The following RSRP1 variants were observed in gnomAD, a reference collection of about 807,000 sequenced individuals.
RSRP1 encodes the protein arginine and serine rich protein 1.
Under a neutral mutation model 33.0 loss-of-function variants are expected in RSRP1, and 37 were observed. The observed-to-expected ratio is 1.12, with a 90% CI of 0.86 to 1.48. The LOEUF (loss-of-function observed/expected upper bound fraction) is 1.48, where lower values mean the gene tolerates loss of function less well. Ranked by LOEUF, RSRP1 falls within the 40% of genes most tolerant of loss-of-function variation. The pLI, the probability that RSRP1 is intolerant of heterozygous loss-of-function variation, is 0.00. For synonymous variants in RSRP1, 167 were observed against 158.7 expected, an observed-to-expected ratio of 1.05 and a Z score of -0.40; for missense variants, 402 against 385.3, an observed-to-expected ratio of 1.04 and a Z score of -0.36.
Position 25,287,475 on chromosome 1 carries a change from T to TCC in RSRP1, c.-66-40448_-66-40447dup, listed in dbSNP as rs1264345531. 2.7e-4 allele frequency among the ~76,000 whole-genome samples: 36 copies of TCC among 135,074 alleles called. 6 individuals are homozygous for TCC. Among genetic ancestry groups the TCC allele is most frequent in the African/African-American group, 8.4e-4 (33 of 39,190 alleles). 88.6% of individuals were successfully genotyped at this position (135,074 alleles called of 152,430 possible). A position where few individuals can be genotyped will look rare whatever the true frequency, so the allele number is the denominator to read the frequency against. ...TGAAACTGGCTCCTTCCTGACCGGT[T>TCC]CCCGTCAGGGCTGTGCTGATGGGTG... is the stretch of plus-strand genomic sequence containing the variant. On this transcript the variant is annotated intron_variant, in intron 1 of 1. Coordinates refer to the RSRP1 transcript ENST00000561867.
At chr1:25,322,555 C>A (rs1303353232) in intron 1 of RSRP1, among the ~76,000 whole-genome samples, 1 of 132,320 alleles carries the variant, frequency 7.6e-6, no homozygotes, top group Non-Finnish European at 1.8e-5. Context: ...TGCCTGTAAT[C>A]CCAGTTACTC....
chr1:25,307,638 C>G (rs1444867203), intron 1 of RSRP1: 2 of 1,143,496 alleles, frequency 1.7e-6, no homozygotes, highest in Admixed American at 2.1e-5. Context: ...GAGAAGTTAT[C>G]TGCCCAAGGT....
At chr1:25,250,738 C>T (rs1458690657), upstream of RSRP1, among the ~76,000 whole-genome samples, 3 of 152,058 alleles carry the variant, frequency 2.0e-5, no homozygotes, top group African/African-American at 4.8e-5. Flanking sequence ...GGGCCAGGCG[C>T]GGTGGCTCAC....
At chr1:25,285,902 G>A (rs1641945135) in intron 1 of RSRP1, among the ~76,000 whole-genome samples, 1 of 134,358 alleles carries the variant, frequency 7.4e-6, no homozygotes, top group African/African-American at 2.6e-5. Context: ...CTAAACCTCT[G>A]GGCACTGCTG....
intron 1 of RSRP1, among the ~76,000 whole-genome samples, chr1:25,298,349 C>T (rs1419108307): frequency 2.4e-5 from 3 of 126,912 alleles, no homozygotes; most frequent in African/African-American, 7.8e-5. Flanking sequence ...CATCATCTCT[C>T]TTCTCTGCAT....
At chr1:25,250,570 C>T (rs570151175), upstream of RSRP1, among the ~76,000 whole-genome samples, 20 of 152,248 alleles carry the variant, frequency 1.3e-4, no homozygotes, top group East Asian at 3.1e-3. Context: ...AATATGTTAC[C>T]TTAAGGTGAC....
At chr1:25,247,882 C>T (rs1639614208), upstream of RSRP1, 1 of 152,476 alleles carries the variant, frequency 6.6e-6, no homozygotes, top group African/African-American at 2.4e-5. Context: ...GGAGCTGGGG[C>T]CGTCTGACGG....
At chr1:25,304,496 G>A (rs1643640093) in intron 1 of RSRP1, 1 of 129,680 alleles carries the variant, frequency 7.7e-6, no homozygotes, top group African/African-American at 2.7e-5. Flanking sequence ...GACTCAGGAG[G>A]CTGAGACACG....
rs1315909104 is a variant in RSRP1, at chr1:25,333,249, C to T, written c.-67+4729G>A. The stretch of plus-strand genomic sequence containing the variant: ...GGAAATACCCTCACAGACACACTAA[C>T]AAATAATGCCTTTCCAGTTCTCTAG... On this transcript the variant is annotated intron_variant, in intron 1 of 1. Coordinates refer to the RSRP1 transcript ENST00000561867. 2.0e-4 allele frequency among the ~76,000 whole-genome samples: 26 copies of T among 132,082 alleles called. 4 individuals are homozygous for T. The highest frequency in any genetic ancestry group is 1.6e-3 in the Admixed American group (22 of 13,588). The allele number at this position is 132,082 out of a possible 152,430, so 86.7% of individuals were successfully genotyped here.
In RSRP1 at chr1:25,319,238, T is replaced by C. The variant is rs1210220169; in HGVS notation, c.-67+18740A>G. ...TCTTCACTGGAGTCAAAAAAGAGAA[T>C]AGAGGAAAAGACAATCATATTGTTC... is the stretch of plus-strand genomic sequence containing the variant. On this transcript the variant is annotated intron_variant, in intron 1 of 1. Coordinates refer to the RSRP1 transcript ENST00000561867. 3.0e-5 allele frequency among the ~76,000 whole-genome samples: 4 copies of C among 132,260 alleles called. 1 individual carries two copies. The highest frequency in any genetic ancestry group is 5.4e-5 in the Non-Finnish European group (3 of 55,928). 86.8% of individuals were successfully genotyped at this position (132,260 alleles called of 152,430 possible).
At position 25,321,674 on chromosome 1, in the gene RSRP1, TAAATA is replaced by T. The variant is rs56928540; in HGVS notation, c.-67+16299_-67+16303del. On this transcript the variant is annotated intron_variant, in intron 1 of 1. Coordinates refer to the RSRP1 transcript ENST00000561867. ...GATAGAGTGAGACTCTGTCTCAAAA[TAAATA>T]AAATAAAATAAAATAAAATAAAATA... 1.5e-4 allele frequency among the ~76,000 whole-genome samples: 14 copies of T among 91,300 alleles called. 1 individual carries two copies. The highest frequency in any genetic ancestry group is 3.7e-4 in the South Asian group (1 of 2,710). 59.9% of individuals were successfully genotyped at this position (91,300 alleles called of 152,430 possible).
chr1:25,301,425 C>T lies in RSRP1; in HGVS notation c.-67+36553G>A. On this transcript the variant is annotated intron_variant, in intron 1 of 1. Coordinates refer to the RSRP1 transcript ENST00000561867. ...CTAACTCTAAGTGACAAGGCTGAGA[C>T]TCTCCAGCCCTAGGATTCTCATCCA... is the stretch of plus-strand genomic sequence containing the variant. The T allele has an allele frequency of 8.8e-6, 10 of 1,131,530 alleles. 2 individuals carry two copies. The Admixed American group carries it at 1.3e-4, about 14-fold the overall frequency. The allele number at this position is 1,131,530 out of a possible 1,614,324, so 70.1% of individuals were successfully genotyped here.
chr1:25,331,576 T>A lies in RSRP1; in HGVS notation c.-67+6402A>T, dbSNP rs1156402602. On this transcript the variant is annotated intron_variant, in intron 1 of 1. Transcript: ENST00000561867. ...TGAGAAAAATGTGATTTTTTTTTTT[T>A]TTTTTTTTTGAGACAGAGTCTTGCT... is the stretch of plus-strand genomic sequence containing the variant. 5.4e-5 allele frequency among the ~76,000 whole-genome samples: 6 copies of A among 110,340 alleles called. 1 individual carries two copies. The South Asian group carries it at 1.4e-3, about 26-fold the overall frequency. The allele number at this position is 110,340 out of a possible 152,430, so 72.4% of individuals were successfully genotyped here.
At chr1:25,281,010 A>C (rs575163687) in intron 1 of RSRP1, among the ~76,000 whole-genome samples, 2,128 of 132,030 alleles carry the variant, frequency 0.016, 278 homozygotes, top group African/African-American at 0.052. Flanking sequence ...GGAATATTCC[A>C]GAGCTGTAAA....
rs1305200858 is a variant in RSRP1, at chr1:25,305,662, G to A, written c.-67+32316C>T. Reference sequence around the variant, plus strand: ...TTTGCCCAGGCTGGAGTGCAGTGGCGCCATCTCAGCTTACTGCAAGCTCCG... The same window carrying A: ...TTTGCCCAGGCTGGAGTGCAGTGGCACCATCTCAGCTTACTGCAAGCTCCG... On this transcript the variant is annotated intron_variant, in intron 1 of 1. Transcript: ENST00000561867. Among the ~76,000 whole-genome samples, 5 of 128,210 alleles carry A rather than the reference G, an allele frequency of 3.9e-5. 1 individual carries two copies. Among genetic ancestry groups the A allele is most frequent in the African/African-American group, 1.1e-4 (4 of 36,996 alleles). 84.1% of individuals were successfully genotyped at this position (128,210 alleles called of 152,430 possible). A position where few individuals can be genotyped will look rare whatever the true frequency, so the allele number is the denominator to read the frequency against.
intron 1 of RSRP1, among the ~76,000 whole-genome samples, chr1:25,305,863 A>G (rs1344256347): frequency 7.6e-6 from 1 of 130,864 alleles, no homozygotes; most frequent in Non-Finnish European, 1.8e-5. Flanking sequence ...CGGCCTCCCA[A>G]AGTGCTGGGA....
chr1:25,264,300 T>C (rs1227740139), intron 1 of RSRP1, among the ~76,000 whole-genome samples: 3 of 152,038 alleles, frequency 2.0e-5, no homozygotes, highest in Non-Finnish European at 4.4e-5. Flanking sequence ...GCCCTGCTCC[T>C]GCAGCAAACT....
rs528656461 is a variant in RSRP1 at position 25,275,750 on chromosome 1, G to A, written c.-66-28721C>T. Among the ~76,000 whole-genome samples, 4 of 132,588 alleles carry A rather than the reference G, an allele frequency of 3.0e-5. 1 individual carries two copies. The highest frequency in any genetic ancestry group is 7.1e-5 in the Non-Finnish European group (4 of 55,954). The allele number at this position is 132,588 out of a possible 152,430, so 87.0% of individuals were successfully genotyped here. A position where few individuals can be genotyped will look rare whatever the true frequency, so the allele number is the denominator to read the frequency against. On this transcript the variant is annotated intron_variant, in intron 1 of 1. Coordinates refer to the RSRP1 transcript ENST00000561867. ...GGCAGGGTCCATTGCTACAGTTGAC[G>A]ATAGTGGATGAAAATTCACTCCTCA...
rs556360130 is a variant in RSRP1, at chr1:25,315,015, C to A, written c.-67+22963G>T. Among the ~76,000 whole-genome samples, 16 of 129,464 alleles carry A rather than the reference C, an allele frequency of 1.2e-4. 5 individuals are homozygous for A. In the South Asian group the frequency reaches 3.8e-3, roughly 31 times the overall value. The allele number at this position is 129,464 out of a possible 152,430, so 84.9% of individuals were successfully genotyped here. ...GTCAAGAGATCGAGATCATCCTGGC[C>A]AACATGGTGAAGCCCTGTGCCTACT... is the stretch of plus-strand genomic sequence containing the variant. On this transcript the variant is annotated intron_variant, in intron 1 of 1. Coordinates refer to the RSRP1 transcript ENST00000561867.
Sources: allele counts gnomAD v4.1 joint callset (sites outside exome capture counted in the v4.1 genomes callset), GRCh38; gene constraint gnomAD v4.1.1; transcripts MANE v1.5; gene names NCBI Gene and HGNC (gene_info 2026-07-23, HGNC 2026-07-21).